Variants in AP3B1 observed in about 807,000 individuals in gnomAD.
AP3B1 encodes AP-3 complex subunit beta-1.
Under a neutral mutation model 132.5 loss-of-function variants are expected in AP3B1, and 61 were observed. The observed-to-expected ratio is 0.46, with a 90% CI of 0.37 to 0.57. The LOEUF (loss-of-function observed/expected upper bound fraction) is 0.57. Among genes scored for constraint, AP3B1 ranks in the 20% least tolerant of loss-of-function variants. The probability of loss-of-function intolerance (pLI) is 0.00; values close to 1 mark genes in which losing one functional copy is unlikely to be tolerated. For synonymous variants in AP3B1, 388 were observed against 438.3 expected (o/e 0.89, Z 1.43); for missense variants, 1,120 against 1,289.4 (o/e 0.87, Z 2.01).
At chr5:78,160,480 C>T (rs958945368) in intron 13 of AP3B1, among the ~76,000 whole-genome samples, 4 of 152,042 alleles carry the variant, frequency 2.6e-5, no homozygotes, top group Non-Finnish European at 5.9e-5. Flanking sequence ...GGGCAAGCTT[C>T]AAGTCTGCTT....
chr5:78,263,079 T>C (rs1284826067), intron 2 of AP3B1, among the ~76,000 whole-genome samples: 1 of 152,206 alleles, frequency 6.6e-6, no homozygotes, highest in Admixed American at 6.5e-5. Flanking sequence ...ATTGGCATTT[T>C]GATAGGAATT....
intron 15 of AP3B1, among the ~76,000 whole-genome samples, chr5:78,131,590 T>C (rs969022452): frequency 6.6e-6 from 1 of 152,120 alleles, no homozygotes; most frequent in Admixed American, 6.5e-5. Flanking sequence ...AAATATGTCA[T>C]CAATTTAGAT....
chr5:78,097,344 G>GC (rs1302716813), intron 21 of AP3B1, among the ~76,000 whole-genome samples: 1 of 128,626 alleles, frequency 7.8e-6, no homozygotes, highest in African/African-American at 2.9e-5. Flanking sequence ...GGGGGGGTCA[G>GC]CCCCCTGCCC....
At chr5:78,032,022 G>A (rs553404880) in intron 24 of AP3B1, among the ~76,000 whole-genome samples, 9 of 152,116 alleles carry the variant, frequency 5.9e-5, no homozygotes, top group South Asian at 2.1e-4. Flanking sequence ...TGTATATTGC[G>A]CACATATTTG....
intron 24 of AP3B1, among the ~76,000 whole-genome samples, chr5:78,034,065 A>G (rs1225367083): frequency 6.6e-6 from 1 of 151,932 alleles, no homozygotes; most frequent in African/African-American, 2.4e-5. Context: ...AATTTTCTAA[A>G]ACTGGAGTGA....
intron 24 of AP3B1, among the ~76,000 whole-genome samples, chr5:78,024,883 A>G (rs1158840773): frequency 7.1e-6 from 1 of 141,108 alleles, no homozygotes; most frequent in Non-Finnish European, 1.5e-5. Context: ...TTTTTTTGTA[A>G]AGACAGAGTC....
At position 78,111,427 on chromosome 5, in the gene AP3B1, C is replaced by T. The variant is rs1016627450; in HGVS notation, c.2250-1073G>A. 7.2e-5 allele frequency among the ~76,000 whole-genome samples: 11 copies of T among 151,960 alleles called. No homozygotes were observed. In the East Asian group the frequency reaches 1.5e-3, roughly 21 times the overall value. On this transcript the variant is annotated intron_variant, in intron 19 of 26. Coordinates refer to ENST00000255194, the MANE Select transcript of AP3B1 (RefSeq NM_003664.5). ...CTGTGTGTCTACCCTACAGGGTCTACGGTCCACTGGAGGATACAGATAAGG... is the reference window on the plus strand; with the variant it reads ...CTGTGTGTCTACCCTACAGGGTCTATGGTCCACTGGAGGATACAGATAAGG...
At chr5:78,258,131 A>G (rs1207377618) in intron 2 of AP3B1, among the ~76,000 whole-genome samples, 1 of 152,242 alleles carries the variant, frequency 6.6e-6, no homozygotes, top group African/African-American at 2.4e-5. Context: ...CCCCACAAGC[A>G]CAGGCAACCA....
At chr5:78,153,984 C>A (rs1743025864) in intron 14 of AP3B1, among the ~76,000 whole-genome samples, 1 of 152,156 alleles carries the variant, frequency 6.6e-6, no homozygotes, top group Non-Finnish European at 1.5e-5. Context: ...ACTTCATACA[C>A]CACAATTCTA....
rs1224418318 is a variant in AP3B1, at chr5:78,089,423, T to C, written c.2547A>G (p.Leu849=). ...SPSLMADLEG[L]HLSTSSSVIS... ...TGACTGAAGAGGAAGTTGACAAGTG[T>C]AAACCTTCAAGATCAGCCATCAAAC... Residue 849 remains leucine, a synonymous_variant, in exon 22 of 27, where the codon TTA becomes TTG. Transcript: ENST00000255194. 2 of 1,612,806 alleles carry C rather than the reference T, an allele frequency of 1.2e-6. No individual in the cohort carries two copies. Among genetic ancestry groups the C allele is most frequent in the African/African-American group, 2.7e-5 (2 of 74,856 alleles).
At chr5:78,017,134 ATGG>A (rs1267426132) in intron 25 of AP3B1, among the ~76,000 whole-genome samples, 3 of 152,088 alleles carry the variant, frequency 2.0e-5, no homozygotes, top group Non-Finnish European at 4.4e-5. Context: ...CTTGTCATTA[ATGG>A]TTTGTCTAAC....
chr5:78,039,558 G>A (rs991619239), intron 22 of AP3B1, among the ~76,000 whole-genome samples: 1 of 151,970 alleles, frequency 6.6e-6, no homozygotes, highest in Admixed American at 6.6e-5. Flanking sequence ...GGGAGATCAC[G>A]AGGTCAGGAG....
chr5:78,262,099 G>A (rs190743210), intron 2 of AP3B1, among the ~76,000 whole-genome samples: 26 of 152,086 alleles, frequency 1.7e-4, no homozygotes, highest in Non-Finnish European at 2.6e-4. Flanking sequence ...TTGAGTTGTG[G>A]GAGTTCTTTA....
chr5:78,251,231 T>C (rs1580545188), intron 2 of AP3B1, among the ~76,000 whole-genome samples: 1 of 152,066 alleles, frequency 6.6e-6, no homozygotes, highest in South Asian at 2.1e-4. Context: ...ACAGATTCTC[T>C]AAAAGAGAAA....
At chr5:78,240,254 G>A (rs896101143) in intron 3 of AP3B1, among the ~76,000 whole-genome samples, 1 of 152,168 alleles carries the variant, frequency 6.6e-6, no homozygotes, top group Non-Finnish European at 1.5e-5. Context: ...GCTTTAAACT[G>A]AGAAAAATTT....
In AP3B1 at chr5:78,110,166, G is replaced by A. The variant is rs1428404761; in HGVS notation, c.2397+41C>T. Reference sequence around the variant, plus strand: ...GTGTTGTCTATTTTAGTTGCTATAAGAATATTTACCTTCAATTACAACAAA... The same window carrying A: ...GTGTTGTCTATTTTAGTTGCTATAAAAATATTTACCTTCAATTACAACAAA... On this transcript the variant is annotated intron_variant, in intron 20 of 26. Coordinates refer to ENST00000255194, the MANE Select transcript of AP3B1 (RefSeq NM_003664.5). 5.2e-6 allele frequency: 8 copies of A among 1,552,334 alleles called. No individual in the cohort carries two copies. In the African/African-American group the frequency reaches 1.1e-4, roughly 21 times the overall value.
chr5:78,016,806 A>C (rs767284547), intron 25 of AP3B1, among the ~76,000 whole-genome samples: 17 of 152,090 alleles, frequency 1.1e-4, no homozygotes, highest in Non-Finnish European at 1.6e-4. Context: ...AGACCGTTTA[A>C]CTTCAATATT....
At chr5:78,268,050 C>G (rs540910381) in intron 1 of AP3B1, among the ~76,000 whole-genome samples, 1 of 152,174 alleles carries the variant, frequency 6.6e-6, no homozygotes, top group African/African-American at 2.4e-5. Flanking sequence ...AGACAAAATA[C>G]AATTAAATAA....
At chr5:78,254,506 G>A (rs147635103) in intron 2 of AP3B1, among the ~76,000 whole-genome samples, 38 of 152,274 alleles carry the variant, frequency 2.5e-4, no homozygotes, top group African/African-American at 8.7e-4. Flanking sequence ...CTCCAATATG[G>A]TGGCAGTAGA....
Sources: gnomAD v4.1 joint callset for allele counts (sites outside exome capture counted in the v4.1 genomes callset) on GRCh38, gnomAD v4.1.1 for gene constraint, MANE v1.5 for transcripts, NCBI Gene and HGNC (gene_info 2026-07-23, HGNC 2026-07-21) for gene names.